Variants in VPS26C observed in about 807,000 individuals in gnomAD.
The protein encoded by VPS26C is vacuolar protein sorting-associated protein 26C.
VPS26C carries 19 observed loss-of-function variants against 30.6 expected under a neutral mutation model. That is an observed-to-expected ratio of 0.62 (90% CI 0.43 to 0.91). VPS26C has a LOEUF of 0.91. Among genes scored for constraint, VPS26C ranks in the 40% least tolerant of loss-of-function variants. The probability of loss-of-function intolerance (pLI) is 0.00; values close to 1 mark genes in which losing one functional copy is unlikely to be tolerated. For missense variants in VPS26C, 318 were observed against 385.1 expected (o/e 0.83, Z 1.46); for synonymous variants, 132 against 151.5 (o/e 0.87, Z 0.95).
chr21:37,267,088 G>C, intron 1 of VPS26C, 150 bp downstream of exon 1: 3 of 762,658 alleles, frequency 3.9e-6, no homozygotes, highest in Non-Finnish European at 4.6e-6. Context: ...GGACGCACCT[G>C]GCGGGAACGC....
chr21:37,229,636 A>G (rs2085941200), intron 5 of VPS26C, among the ~76,000 whole-genome samples: 2 of 152,246 alleles, frequency 1.3e-5, no homozygotes. Flanking sequence ...CAAAAATATG[A>G]ATGATGTTTT....
chr21:37,267,356 G>C (rs369799571), upstream of VPS26C: 1 of 1,478,320 alleles, frequency 6.8e-7, no homozygotes, highest in South Asian at 1.1e-5. Flanking sequence ...AACAAGGGGC[G>C]CCTCCCCGCT....
intron 1 of VPS26C, chr21:37,261,498 A>G (rs1037831765): frequency 6.6e-6 from 1 of 152,024 alleles, no homozygotes; most frequent in African/African-American, 2.4e-5. Flanking sequence ...TCCCATCACA[A>G]TCTCACTTTC....
chr21:37,235,867 A>G (rs960410826), intron 3 of VPS26C, among the ~76,000 whole-genome samples: 1 of 103,542 alleles, frequency 9.7e-6, no homozygotes. Flanking sequence ...ATATATATAT[A>G]TATATATATA....
At position 37,233,342 on chromosome 21, in the gene VPS26C, A is replaced by C. The variant is rs1416107909; in HGVS notation, c.432+20T>G. The C allele has an allele frequency of 6.2e-7, 1 of 1,606,728 alleles. No individual in the cohort carries two copies. Among genetic ancestry groups the C allele is most frequent in the Non-Finnish European group, 8.5e-7 (1 of 1,173,254 alleles). On this transcript the variant is annotated intron_variant, in intron 4 of 7. Transcript: ENST00000309117. The surrounding 1 kb of genome is among the most constrained non-coding windows in gnomAD (Gnocchi z 5.2). ...GGAGATTCCTATCATTAAGCACCAG[A>C]GTCCCCGAGTGAAGCTTACAGCGGA...
intron 6 of VPS26C, 50 bp from the exon 7 acceptor site, chr21:37,227,856 G>A: frequency 1.2e-6 from 2 of 1,604,870 alleles, no homozygotes; most frequent in Non-Finnish European, 1.7e-6. Flanking sequence ...GAGGCTGCGG[G>A]GTCCACATCC....
At chr21:37,256,340 G>C (rs1369586529) in intron 1 of VPS26C, among the ~76,000 whole-genome samples, 1 of 152,242 alleles carries the variant, frequency 6.6e-6, no homozygotes, top group African/African-American at 2.4e-5. Flanking sequence ...GGAAGAGTCA[G>C]GGAAGGGAGG....
intron 1 of VPS26C, among the ~76,000 whole-genome samples, chr21:37,251,191 C>T (rs1569239350): frequency 6.6e-6 from 1 of 152,290 alleles, no homozygotes; most frequent in East Asian, 1.9e-4. Flanking sequence ...AGACCAAAAA[C>T]ATTTTACAAA....
chr21:37,240,921 T>C (rs2148292924), intron 1 of VPS26C, among the ~76,000 whole-genome samples: 1 of 152,246 alleles, frequency 6.6e-6, no homozygotes, highest in African/African-American at 2.4e-5. Context: ...CATTCCTGGT[T>C]GGGGAATCTC....
At chr21:37,267,584 G>A (rs115211774), upstream of VPS26C, 1,719 of 500,874 alleles carry the variant, frequency 3.4e-3, 19 homozygotes, top group African/African-American at 0.032. Flanking sequence ...CCCTTCCGTA[G>A]GGACAGTCTT....
chr21:37,230,615 G>A (rs1602263590), intron 5 of VPS26C: 2 of 152,176 alleles, frequency 1.3e-5, no homozygotes, highest in South Asian at 2.1e-4. Flanking sequence ...AAAGTTCTTC[G>A]TGTTTACAAA....
intron 3 of VPS26C, among the ~76,000 whole-genome samples, chr21:37,236,202 A>G (rs2086022164): frequency 6.6e-6 from 1 of 152,232 alleles, no homozygotes; most frequent in Non-Finnish European, 1.5e-5. Context: ...TAACCTTTAG[A>G]GTAAGTGCGG....
At position 37,225,575 on chromosome 21, in the gene VPS26C, T is replaced by C; in HGVS notation, c.863A>G (p.Glu288Gly). 6.2e-7 allele frequency: 1 copy of C among 1,614,146 alleles called. No homozygotes were observed. The highest frequency in any genetic ancestry group is 8.5e-7 in the Non-Finnish European group (1 of 1,180,020). ...VLLHPDHLIT[E>G]NFPLKLCRI is the part of the protein sequence containing the mutation. ...CCTGCAGAGCTTCAGCGGGAAGTTC[T>C]CCGTGATGAGGTGGTCAGGGTGAAG... Residue 288 changes from glutamate to glycine, a missense_variant, in exon 8 of 8, where the codon GAG becomes GGG. By Grantham distance (98) the Glu-to-Gly change is moderately conservative (BLOSUM62 -2). Transcript: ENST00000309117.
intron 1 of VPS26C, among the ~76,000 whole-genome samples, chr21:37,263,111 A>G (rs1024552882): frequency 6.6e-6 from 1 of 152,150 alleles, no homozygotes; most frequent in African/African-American, 2.4e-5. Flanking sequence ...CTTCAACTGT[A>G]ATTTTTAAAA....
intron 5 of VPS26C, among the ~76,000 whole-genome samples, chr21:37,229,868 ATTTAT>A (rs532682994): frequency 1.0e-3 from 158 of 152,206 alleles, no homozygotes; most frequent in African/African-American, 3.8e-3. Flanking sequence ...TGGAGCTTTT[ATTTAT>A]TTGTTTTTAT....
At position 37,237,895 on chromosome 21, in the gene VPS26C, T is replaced by C. The variant is rs553224067; in HGVS notation, c.351+565A>G. Among the ~76,000 whole-genome samples, 5 of 152,320 alleles carry C rather than the reference T, an allele frequency of 3.3e-5. No individual in the cohort carries two copies. The South Asian group carries it at 1.0e-3, about 32-fold the overall frequency. ...GAGGCTGCTATCACAAAAGTATCTTTCTTTCTGCTGCATAAAGGAAAGGCT... is the reference window on the plus strand; with the variant it reads ...GAGGCTGCTATCACAAAAGTATCTTCCTTTCTGCTGCATAAAGGAAAGGCT... On this transcript the variant is annotated intron_variant, in intron 3 of 7. Coordinates refer to ENST00000309117, the MANE Select transcript of VPS26C (RefSeq NM_006052.2).
intron 1 of VPS26C, among the ~76,000 whole-genome samples, chr21:37,254,765 T>C (rs377278696): frequency 1.3e-5 from 2 of 151,838 alleles, no homozygotes; most frequent in Admixed American, 6.6e-5. Context: ...AGCTGAGACA[T>C]TGCATTCTGC....
At chr21:37,245,421 C>T (rs1259479471) in intron 1 of VPS26C, among the ~76,000 whole-genome samples, 1 of 152,158 alleles carries the variant, frequency 6.6e-6, no homozygotes, top group African/African-American at 2.4e-5. Context: ...ACATTCCAGC[C>T]TTAGGCAACT....
intron 3 of VPS26C, chr21:37,238,171 CAAT>C (rs1367119474): frequency 4.4e-5 from 16 of 366,342 alleles, no homozygotes; most frequent in Non-Finnish European, 6.4e-5. Flanking sequence ...TGTTACCAGA[CAAT>C]AAAAGCATCC....
Sources: gnomAD v4.1 joint callset for allele counts (sites outside exome capture counted in the v4.1 genomes callset) on GRCh38, gnomAD v4.1.1 for gene constraint, Gnocchi (gnomAD v3.1) non-coding constraint, MANE v1.5 for transcripts, NCBI Gene and HGNC (gene_info 2026-07-23, HGNC 2026-07-21) for gene names.